Variants in STK3 observed in about 807,000 individuals in gnomAD.
STK3 encodes the protein serine/threonine kinase 3, also known as serine/threonine-protein kinase 3.
Under a neutral mutation model 58.0 loss-of-function variants are expected in STK3, and 41 were observed. That is an observed-to-expected ratio of 0.71 (90% CI 0.55 to 0.92). The LOEUF (loss-of-function observed/expected upper bound fraction) is 0.92, where lower values mean the gene tolerates loss of function less well. Ranked by LOEUF, STK3 falls within the 40% of genes least tolerant of loss-of-function variation. The pLI, the probability that STK3 is intolerant of heterozygous loss-of-function variation, is 0.00. For missense variants in STK3, 479 were observed against 602.7 expected, an observed-to-expected ratio of 0.79 and a Z score of 2.15; for synonymous variants, 170 against 191.0, an observed-to-expected ratio of 0.89 and a Z score of 0.91.
chr8:98,833,608 T>C (rs1835628094), intron 3 of STK3, among the ~76,000 whole-genome samples: 1 of 152,212 alleles, frequency 6.6e-6, no homozygotes, highest in Non-Finnish European at 1.5e-5. Context: ...TTATTTGTCA[T>C]GTGATGTGAC....
intron 9 of STK3, among the ~76,000 whole-genome samples, chr8:98,536,648 A>G (rs535622666): frequency 4.2e-4 from 64 of 152,328 alleles, no homozygotes; most frequent in African/African-American, 1.5e-3. Flanking sequence ...ATGATTTCTA[A>G]TGACATCATG....
intron 7 of STK3, among the ~76,000 whole-genome samples, chr8:98,588,237 C>T (rs538516225): frequency 6.0e-4 from 91 of 151,866 alleles, no homozygotes; most frequent in Non-Finnish European, 6.9e-4. Flanking sequence ...CGGCTGGTGC[C>T]GGTTGTTCCT....
intron 1 of STK3, among the ~76,000 whole-genome samples, chr8:98,891,333 C>T (rs1838191264): frequency 6.6e-6 from 1 of 152,190 alleles, no homozygotes; most frequent in Non-Finnish European, 1.5e-5. Context: ...CTTTTTAAAT[C>T]TCATTGCTTT....
At chr8:98,578,846 G>T (rs1260641724) in intron 8 of STK3, among the ~76,000 whole-genome samples, 1 of 152,078 alleles carries the variant, frequency 6.6e-6, no homozygotes, top group Non-Finnish European at 1.5e-5. Context: ...AATTAGCAAG[G>T]TATAGAAGCA....
At chr8:98,658,047 G>A (rs1821679734) in intron 6 of STK3, among the ~76,000 whole-genome samples, 1 of 151,992 alleles carries the variant, frequency 6.6e-6, no homozygotes, top group African/African-American at 2.4e-5. Context: ...ATACAAATTT[G>A]TAAAACATCA....
At chr8:98,893,487 AG>A (rs1564087316) in intron 1 of STK3, among the ~76,000 whole-genome samples, 2 of 27,758 alleles carry the variant, frequency 7.2e-5, no homozygotes, top group African/African-American at 3.9e-4. Flanking sequence ...AGAAAGAAAG[AG>A]AAAGAAAGAA....
At position 98,651,160 on chromosome 8, in the gene STK3, T is replaced by C. The variant is rs182056119; in HGVS notation, c.685-54991A>G. On this transcript the variant is annotated intron_variant, in intron 6 of 10. Coordinates refer to ENST00000419617, the MANE Select transcript of STK3 (RefSeq NM_006281.4). The stretch of plus-strand genomic sequence containing the variant: ...TGAGACAAAACTTCCAGAGGAACGA[T>C]CAGACAGCAGCATTCGCGGTCACGA... Among the ~76,000 whole-genome samples, 17 of 152,246 alleles carry C rather than the reference T, an allele frequency of 1.1e-4. No homozygotes were observed. The East Asian group carries it at 3.3e-3, about 29-fold the overall frequency.
At chr8:98,544,531 T>C (rs1417346591) in intron 9 of STK3, among the ~76,000 whole-genome samples, 1 of 152,048 alleles carries the variant, frequency 6.6e-6, no homozygotes, top group East Asian at 1.9e-4. Flanking sequence ...GAGGGTCTGC[T>C]CTGTGAAATG....
chr8:98,597,096 A>G (rs1815893040), intron 6 of STK3, among the ~76,000 whole-genome samples: 1 of 152,162 alleles, frequency 6.6e-6, no homozygotes, highest in East Asian at 1.9e-4. Flanking sequence ...GAAAAAAGGA[A>G]GCATGAAAAA....
intron 4 of STK3, among the ~76,000 whole-genome samples, chr8:98,744,750 T>C (rs1209807698): frequency 6.6e-6 from 1 of 151,946 alleles, no homozygotes; most frequent in Non-Finnish European, 1.5e-5. Context: ...AAAAAAAACA[T>C]ATTTCTGTTG....
intron 1 of STK3, among the ~76,000 whole-genome samples, chr8:98,801,844 T>C (rs577902019): frequency 1.3e-5 from 2 of 152,246 alleles, no homozygotes; most frequent in African/African-American, 4.8e-5. Context: ...ACAGTAAGCT[T>C]GTTGTATCTC....
upstream of STK3, chr8:98,388,252 A>G (rs1817812670): frequency 6.6e-6 from 1 of 152,206 alleles, no homozygotes; most frequent in Non-Finnish European, 1.5e-5. Context: ...TCTAGCCTAT[A>G]AATGAAGAAA....
chr8:98,633,388 A>G (rs1010317776), intron 6 of STK3, among the ~76,000 whole-genome samples: 8 of 152,232 alleles, frequency 5.3e-5, no homozygotes, highest in African/African-American at 1.9e-4. Flanking sequence ...GTTTCATTTA[A>G]GATGATCAAT....
chr8:98,442,319 C>G (rs531959195), intron 1 of STK3, among the ~76,000 whole-genome samples: 1 of 152,230 alleles, frequency 6.6e-6, no homozygotes, highest in Non-Finnish European at 1.5e-5. Context: ...TCTCAGCACT[C>G]GGAACTTACA....
rs1278038476 is a variant in STK3 at position 98,792,111 on chromosome 8, G to GA, written c.27-17293dup. ...TCTAAAACAAACACAAACAAATTAA[G>GA]AAAAAACAAACAATCCCATCAAAAA... On this transcript the variant is annotated intron_variant, in intron 1 of 10. Transcript: ENST00000419617. Among the ~76,000 whole-genome samples, 11 of 151,942 alleles carry GA rather than the reference G, an allele frequency of 7.2e-5. No homozygotes were observed. In the South Asian group the frequency reaches 2.3e-3, roughly 32 times the overall value.
In STK3 at chr8:98,689,418, A is replaced by C. The variant is rs142686050; in HGVS notation, c.684+17049T>G. Among the ~76,000 whole-genome samples the C allele has an allele frequency of 2.7e-3, 406 of 152,278 alleles. 2 individuals carry two copies. The highest frequency in any genetic ancestry group is 9.4e-3 in the African/African-American group (389 of 41,556). ...CCTGATATCAAAATCTGGCAAAGAC[A>C]TAACAAAAAAAGAAAATTACAGGCC... is the stretch of plus-strand genomic sequence containing the variant. On this transcript the variant is annotated intron_variant, in intron 6 of 10. Coordinates refer to ENST00000419617, the MANE Select transcript of STK3 (RefSeq NM_006281.4).
intron 7 of STK3, 50 bp downstream of exon 7, chr8:98,595,982 G>T (rs200968112): frequency 7.6e-6 from 12 of 1,578,334 alleles, no homozygotes; most frequent in Non-Finnish European, 1.0e-5. Flanking sequence ...ATGTCAGAAA[G>T]CTGAAAGGTA....
At chr8:98,575,475 C>T (rs891808021) in intron 8 of STK3, among the ~76,000 whole-genome samples, 1 of 151,068 alleles carries the variant, frequency 6.6e-6, no homozygotes, top group Non-Finnish European at 1.5e-5. Context: ...ATTTTCATCA[C>T]CTCAAAAGAA....
chr8:98,552,605 T>C (rs1190827791), intron 8 of STK3, among the ~76,000 whole-genome samples: 1 of 152,118 alleles, frequency 6.6e-6, no homozygotes, highest in Non-Finnish European at 1.5e-5. Flanking sequence ...TTAACTCAGG[T>C]ATCTATTTAG....
Sources: gnomAD v4.1 joint callset for allele counts (sites outside exome capture counted in the v4.1 genomes callset) on GRCh38, gnomAD v4.1.1 for gene constraint, MANE v1.5 for transcripts, NCBI Gene and HGNC (gene_info 2026-07-23, HGNC 2026-07-21) for gene names.